Variants in ALG6 observed in about 807,000 individuals in gnomAD.
ALG6 encodes the protein ALG6 alpha-1,3-glucosyltransferase.
ALG6 carries 46 observed loss-of-function variants against 66.6 expected under a neutral mutation model. The observed-to-expected ratio is 0.69, with a 90% CI of 0.55 to 0.88. The LOEUF is 0.88. Ranked by LOEUF, ALG6 falls within the 40% of genes least tolerant of loss-of-function variation. The probability of loss-of-function intolerance (pLI) is 0.00; values close to 1 mark genes in which losing one functional copy is unlikely to be tolerated. For missense variants in ALG6, 505 were observed against 586.8 expected, an observed-to-expected ratio of 0.86 and a Z score of 1.44; for synonymous variants, 185 against 203.7, an observed-to-expected ratio of 0.91 and a Z score of 0.78.
At chr1:63,384,356 A>G (rs934740102) in intron 2 of ALG6, among the ~76,000 whole-genome samples, 3 of 151,690 alleles carry the variant, frequency 2.0e-5, no homozygotes, top group African/African-American at 4.8e-5. Flanking sequence ...TTTTTTTCCT[A>G]TTGAGTTGCT....
At chr1:63,374,577 G>A (rs1186297308) in intron 2 of ALG6, among the ~76,000 whole-genome samples, 2 of 151,580 alleles carry the variant, frequency 1.3e-5, no homozygotes, top group Non-Finnish European at 2.9e-5. Context: ...GCAGTGAGCC[G>A]AGATCACGCC....
chr1:63,402,146 TA>T, intron 3 of ALG6, 107 bp from the exon 4 acceptor site: 1 of 763,950 alleles, frequency 1.3e-6, no homozygotes, highest in South Asian at 1.5e-5. Context: ...TAATAATTAG[TA>T]AATTACATTA....
chr1:63,397,706 A>C (rs1644412651), intron 3 of ALG6, among the ~76,000 whole-genome samples: 1 of 152,218 alleles, frequency 6.6e-6, no homozygotes, highest in African/African-American at 2.4e-5. Flanking sequence ...ATCTACCTGA[A>C]GTATAAAATA....
intron 8 of ALG6, among the ~76,000 whole-genome samples, chr1:63,411,648 T>C (rs1449231089): frequency 6.6e-6 from 1 of 152,208 alleles, no homozygotes; most frequent in Non-Finnish European, 1.5e-5. Flanking sequence ...CATTTGATAT[T>C]TTTCTTCATG....
In ALG6 at chr1:63,411,132, T is replaced by G. The variant is rs1434021697; in HGVS notation, c.495-14T>G. 4.3e-6 allele frequency: 7 copies of G among 1,612,652 alleles called. No homozygotes were observed. Among genetic ancestry groups the G allele is most frequent in the Non-Finnish European group, 5.9e-6 (7 of 1,179,432 alleles). On this transcript the variant is annotated splice_polypyrimidine_tract_variant and intron_variant, in intron 7 of 14. Coordinates refer to ENST00000263440, the MANE Select transcript of ALG6 (RefSeq NM_013339.4). Reference sequence around the variant, plus strand: ...TAAAAGATTATTGAGATAATTTCCTTGACACAGGAACATATATAATTCTGT... The same window carrying G: ...TAAAAGATTATTGAGATAATTTCCTGGACACAGGAACATATATAATTCTGT...
At position 63,435,719 on chromosome 1, in the gene ALG6, T is replaced by C. The variant is rs544059022; in HGVS notation, c.1327-1104T>C. Reference sequence around the variant, plus strand: ...TCCAGTACGGTAGCCACTAGACATATATATAAATTTAAACTTATTAAATTT... The same window carrying C: ...TCCAGTACGGTAGCCACTAGACATACATATAAATTTAAACTTATTAAATTT... On this transcript the variant is annotated intron_variant, in intron 14 of 14. Coordinates refer to ENST00000263440, the MANE Select transcript of ALG6 (RefSeq NM_013339.4). 3.9e-5 allele frequency among the ~76,000 whole-genome samples: 6 copies of C among 152,308 alleles called. No homozygotes were observed. The South Asian group carries it at 1.2e-3, about 32-fold the overall frequency.
chr1:63,371,281 C>G, intron 2 of ALG6: 2 of 537,990 alleles, frequency 3.7e-6, no homozygotes, highest in East Asian at 3.2e-5. Context: ...AAAATGTGTT[C>G]TAACAGGTAA....
chr1:63,396,524 C>T lies in ALG6; in HGVS notation c.94C>T (p.Pro32Ser). ...SLNSYSGAGK[P>S]PMFGDYEAQR... ...ACCTTTGATCTTAGGTGCTGGTAAA[C>T]CGCCTATGTTTGGTGATTATGAAGC... Residue 32 changes from proline to serine, a missense_variant, in exon 3 of 15, where the codon CCG (proline) becomes TCG (serine). Pro to Ser is a moderately conservative substitution (Grantham distance 74, BLOSUM62 -1). Coordinates refer to ENST00000263440, the MANE Select transcript of ALG6 (RefSeq NM_013339.4). 1 of 1,613,946 alleles carries T rather than the reference C, an allele frequency of 6.2e-7. No individual in the cohort carries two copies. Among genetic ancestry groups the T allele is most frequent in the Non-Finnish European group, 8.5e-7 (1 of 1,179,910 alleles).
intron 12 of ALG6, among the ~76,000 whole-genome samples, chr1:63,425,994 C>T (rs1037163242): frequency 6.6e-6 from 1 of 151,482 alleles, no homozygotes; most frequent in African/African-American, 2.4e-5. Flanking sequence ...AAAGTATGAC[C>T]GTAAGGGACA....
chr1:63,368,400 C>T (rs550313225), intron 1 of ALG6, among the ~76,000 whole-genome samples: 2 of 152,296 alleles, frequency 1.3e-5, no homozygotes, highest in South Asian at 4.1e-4. Flanking sequence ...CTTCTGCTAA[C>T]ACTGTTCTAC....
intron 7 of ALG6, among the ~76,000 whole-genome samples, chr1:63,408,554 A>C (rs542616740): frequency 4.1e-4 from 62 of 152,300 alleles, no homozygotes; most frequent in African/African-American, 1.4e-3. Context: ...TGAGTTATAG[A>C]GTGTGCACAT....
chr1:63,423,175 C>A (rs966515605), intron 12 of ALG6, among the ~76,000 whole-genome samples: 1 of 151,734 alleles, frequency 6.6e-6, no homozygotes, highest in Non-Finnish European at 1.5e-5. Flanking sequence ...AGACGCACAC[C>A]ACCACGCCCA....
At chr1:63,376,490 G>C (rs971773083) in intron 2 of ALG6, among the ~76,000 whole-genome samples, 4 of 152,092 alleles carry the variant, frequency 2.6e-5, no homozygotes, top group Admixed American at 2.0e-4. Context: ...TTCAGTCTCT[G>C]TAACACTATC....
At chr1:63,425,185 A>G (rs1398469714) in intron 12 of ALG6, among the ~76,000 whole-genome samples, 1 of 152,188 alleles carries the variant, frequency 6.6e-6, no homozygotes, top group African/African-American at 2.4e-5. Context: ...AATGGGGTCA[A>G]GATAGGTTTG....
chr1:63,399,588 C>T (rs1490024996), intron 3 of ALG6, among the ~76,000 whole-genome samples: 2 of 152,134 alleles, frequency 1.3e-5, no homozygotes, highest in East Asian at 3.9e-4. Flanking sequence ...TGTCTGTTGT[C>T]TTATAAAACT....
At chr1:63,396,165 G>A (rs529551398) in intron 2 of ALG6, among the ~76,000 whole-genome samples, 6 of 152,282 alleles carry the variant, frequency 3.9e-5, no homozygotes, top group Admixed American at 6.5e-5. Context: ...TGATTGTAAT[G>A]TTAATAATAG....
chr1:63,427,952 A>G (rs774795174), intron 12 of ALG6, among the ~76,000 whole-genome samples: 2 of 151,806 alleles, frequency 1.3e-5, no homozygotes, highest in East Asian at 1.9e-4. Context: ...GATTACAGGC[A>G]CGCACCACCA....
At chr1:63,373,742 C>T (rs1346761590) in intron 2 of ALG6, among the ~76,000 whole-genome samples, 1 of 148,680 alleles carries the variant, frequency 6.7e-6, no homozygotes, top group African/African-American at 2.5e-5. Flanking sequence ...CTCACTGCAG[C>T]CTTGACCTCT....
Position 63,385,700 on chromosome 1 carries a change from G to C in ALG6, c.83-10813G>C, listed in dbSNP as rs140791375. On this transcript the variant is annotated intron_variant, in intron 2 of 14. Transcript: ENST00000263440. ...GTGACTTTACTGAGTTTGTTTTACA[G>C]TTCTAATAGTTTTTTTATGGTGTTT... Among the ~76,000 whole-genome samples, 525 of 152,256 alleles carry C rather than the reference G, an allele frequency of 3.4e-3. 3 individuals are homozygous for C. The highest frequency in any genetic ancestry group is 0.011 in the African/African-American group (465 of 41,546).
Sources: gnomAD v4.1 joint callset for allele counts (sites outside exome capture counted in the v4.1 genomes callset) on GRCh38, gnomAD v4.1.1 for gene constraint, MANE v1.5 for transcripts, NCBI Gene and HGNC (gene_info 2026-07-23, HGNC 2026-07-21) for gene names.